The following RPSA2 variants were observed in gnomAD, a reference collection of about 807,000 sequenced individuals.
The protein encoded by RPSA2 is small ribosomal subunit protein uS2B.
chr19:23,838,427 A>G, the RPSA2 span, among the ~76,000 whole-genome samples: 2 of 152,078 alleles, frequency 1.3e-5, no homozygotes, highest in South Asian at 2.1e-4. Context: ...TGGTTTTGGT[A>G]TTAGAGTGAT....
At chr19:23,792,284 G>A in the RPSA2 span, among the ~76,000 whole-genome samples, 1 of 152,166 alleles carries the variant, frequency 6.6e-6, no homozygotes, top group East Asian at 1.9e-4. Context: ...GCAAAAGGAG[G>A]TTATTAAGGC....
the RPSA2 span, among the ~76,000 whole-genome samples, chr19:23,821,334 G>A: frequency 1.8e-4 from 27 of 152,204 alleles, no homozygotes; most frequent in African/African-American, 5.5e-4. Context: ...CCATGATCCC[G>A]TGACCTGAGT....
the RPSA2 span, among the ~76,000 whole-genome samples, chr19:23,785,769 T>C: frequency 6.6e-6 from 1 of 152,168 alleles, no homozygotes; most frequent in Non-Finnish European, 1.5e-5. Context: ...AGCTCACAGG[T>C]GCAATGGTGA....
At chr19:23,864,535 C>G in the RPSA2 span, among the ~76,000 whole-genome samples, 1 of 151,980 alleles carries the variant, frequency 6.6e-6, no homozygotes, top group African/African-American at 2.4e-5. Flanking sequence ...AATACATCAC[C>G]CAACAGACAG....
At chr19:23,769,661 T>A in the RPSA2 span, among the ~76,000 whole-genome samples, 1 of 152,138 alleles carries the variant, frequency 6.6e-6, no homozygotes, top group Non-Finnish European at 1.5e-5. Flanking sequence ...CTCTTTTGTT[T>A]GGACCCTCTT....
chr19:23,846,294 T>C, the RPSA2 span, among the ~76,000 whole-genome samples: 1 of 141,666 alleles, frequency 7.1e-6, no homozygotes, highest in African/African-American at 2.6e-5. Flanking sequence ...TCAATGAAGG[T>C]TTTAATTGAT....
At chr19:23,785,572 C>T in the RPSA2 span, among the ~76,000 whole-genome samples, 4 of 152,128 alleles carry the variant, frequency 2.6e-5, no homozygotes, top group Non-Finnish European at 5.9e-5. Context: ...GATGTCATTG[C>T]TGCCTGTCTT....
the RPSA2 span, among the ~76,000 whole-genome samples, chr19:23,806,639 G>A: frequency 5.9e-5 from 9 of 151,882 alleles, no homozygotes; most frequent in East Asian, 1.8e-3. Flanking sequence ...CAAAAAATTA[G>A]CCAGGCATGG....
the RPSA2 span, among the ~76,000 whole-genome samples, chr19:23,864,005 G>C: frequency 6.6e-6 from 1 of 152,176 alleles, no homozygotes; most frequent in Non-Finnish European, 1.5e-5. Context: ...AAATCAATGA[G>C]AAACTGAGAA....
At chr19:23,792,830 C>A in the RPSA2 span, among the ~76,000 whole-genome samples, 1 of 151,894 alleles carries the variant, frequency 6.6e-6, no homozygotes, top group African/African-American at 2.4e-5. Flanking sequence ...TTAAAGATTG[C>A]AAAGATTAGG....
chr19:23,830,059 T>TTG, the RPSA2 span, among the ~76,000 whole-genome samples: 1 of 151,760 alleles, frequency 6.6e-6, no homozygotes, highest in African/African-American at 2.4e-5. Context: ...AGGTTTTTTT[T>TTG]TTTTATTTGG....
the RPSA2 span, among the ~76,000 whole-genome samples, chr19:23,761,956 C>T: frequency 0.018 from 1,399 of 77,826 alleles, 96 homozygotes; most frequent in African/African-American, 0.056. Context: ...CTTGCTCTAT[C>T]GCCCAGGCTG....
chr19:23,813,113 T>C, the RPSA2 span, among the ~76,000 whole-genome samples: 8 of 151,728 alleles, frequency 5.3e-5, no homozygotes, highest in South Asian at 1.7e-3. Context: ...TGTGTACCTG[T>C]GGTCTCAGCT....
the RPSA2 span, among the ~76,000 whole-genome samples, chr19:23,850,803 T>A: frequency 2.6e-5 from 4 of 152,138 alleles, no homozygotes; most frequent in African/African-American, 9.7e-5. Context: ...TTTAGGAACA[T>A]TCAGAAAGTT....
chr19:23,865,554 T>A, the RPSA2 span, among the ~76,000 whole-genome samples: 1 of 152,124 alleles, frequency 6.6e-6, no homozygotes, highest in Admixed American at 6.5e-5. Flanking sequence ...TCTCAAGAAT[T>A]AAAAAACTCA....
chr19:23,863,144 G>T, the RPSA2 span, among the ~76,000 whole-genome samples: 1 of 152,156 alleles, frequency 6.6e-6, no homozygotes, highest in South Asian at 2.1e-4. Flanking sequence ...AAGAGAAATA[G>T]AAACACTTAA....
chr19:23,769,895 T>C, the RPSA2 span, among the ~76,000 whole-genome samples: 1 of 152,186 alleles, frequency 6.6e-6, no homozygotes, highest in Non-Finnish European at 1.5e-5. Context: ...CCCACAGAAG[T>C]ATTATGAAAT....
At chr19:23,830,823 G>A in the RPSA2 span, among the ~76,000 whole-genome samples, 1 of 150,960 alleles carries the variant, frequency 6.6e-6, no homozygotes, top group Non-Finnish European at 1.5e-5. Flanking sequence ...GGATCATATT[G>A]CCCTATTTTG....
At chr19:23,834,871 A>G in the RPSA2 span, among the ~76,000 whole-genome samples, 5 of 152,134 alleles carry the variant, frequency 3.3e-5, no homozygotes, top group Admixed American at 2.6e-4. Context: ...AAGTTAAAAA[A>G]TATTGTTCCT....
Sources: gnomAD v4.1 joint callset for allele counts (sites outside exome capture counted in the v4.1 genomes callset) on GRCh38, gnomAD v4.1.1 for gene constraint, MANE v1.5 for transcripts, NCBI Gene and HGNC (gene_info 2026-07-23, HGNC 2026-07-21) for gene names.